ACER3: variants seen among roughly 807,000 people sequenced by gnomAD.
ACER3 encodes alkCDase 3.
In ACER3, 16 loss-of-function variants were observed where a neutral mutation model predicts 48.9. The ratio of observed to expected loss-of-function variants is 0.33; its 90% CI spans 0.22 to 0.50. The LOEUF (loss-of-function observed/expected upper bound fraction) is 0.50. ACER3 is among the 20% of genes least tolerant of loss of function. The pLI is 0.98. For missense variants in ACER3, 227 were observed against 326.0 expected (o/e 0.70, Z 2.34); for synonymous variants, 109 against 107.8 (o/e 1.01, Z -0.07).
chr11:76,889,493 T>G (rs1408063741), intron 1 of ACER3, among the ~76,000 whole-genome samples: 1 of 152,210 alleles, frequency 6.6e-6, no homozygotes, highest in African/African-American at 2.4e-5. Context: ...TATATACACA[T>G]ATGTGTACTT....
intron 2 of ACER3, among the ~76,000 whole-genome samples, chr11:76,927,927 G>T (rs1486458460): frequency 6.6e-6 from 1 of 152,162 alleles, no homozygotes; most frequent in Non-Finnish European, 1.5e-5. Context: ...ACATACGTGT[G>T]CATGTGTCTT....
At chr11:76,981,404 G>T (rs909997453) in intron 4 of ACER3, among the ~76,000 whole-genome samples, 21 of 152,204 alleles carry the variant, frequency 1.4e-4, no homozygotes, top group African/African-American at 5.1e-4. Flanking sequence ...GGAATAAAAT[G>T]CACCCAGTTT....
rs527689580 is a variant in ACER3, at chr11:77,022,296, A to C, written c.*1969A>C. ...CCTTGATACTGAGGCCATTTAGAGC[A>C]ATTTGTTTAATGAGTGGTTCAGCCA... On this transcript the variant is annotated 3_prime_UTR_variant, in exon 11 of 11. Coordinates refer to ENST00000532485, the MANE Select transcript of ACER3 (RefSeq NM_018367.7). The C allele has an allele frequency of 6.6e-6, 1 of 152,332 alleles. No homozygotes were observed. Among genetic ancestry groups the C allele is most frequent in the South Asian group, 2.1e-4 (1 of 4,824 alleles). 9.4% of individuals were successfully genotyped at this position (152,332 alleles called of 1,614,324 possible). A position where few individuals can be genotyped will look rare whatever the true frequency, so the allele number is the denominator to read the frequency against.
intron 4 of ACER3, 56 bp from the exon 5 acceptor site, chr11:76,985,587 A>T: frequency 8.9e-7 from 1 of 1,118,114 alleles, no homozygotes; most frequent in Non-Finnish European, 1.3e-6. Context: ...GCAGCATTCT[A>T]TTTATGTTCC....
chr11:76,929,072 A>G (rs564330874), intron 2 of ACER3, among the ~76,000 whole-genome samples: 8 of 152,228 alleles, frequency 5.3e-5, no homozygotes, highest in African/African-American at 1.9e-4. Context: ...TTTTCACGAT[A>G]TTGATTCTTC....
At chr11:76,978,024 C>A (rs1033892486) in intron 4 of ACER3, among the ~76,000 whole-genome samples, 2 of 152,196 alleles carry the variant, frequency 1.3e-5, no homozygotes, top group Admixed American at 1.3e-4. Context: ...CCCCTCTGGA[C>A]TTTAGGCACT....
chr11:76,982,285 C>T (rs1348836582), intron 4 of ACER3, among the ~76,000 whole-genome samples: 1 of 148,400 alleles, frequency 6.7e-6, no homozygotes, highest in Admixed American at 6.7e-5. Context: ...GGTGCGATCT[C>T]GGCTCACTGC....
intron 1 of ACER3, among the ~76,000 whole-genome samples, chr11:76,867,356 C>T (rs1168223104): frequency 3.3e-5 from 5 of 150,658 alleles, no homozygotes; most frequent in African/African-American, 1.2e-4. Flanking sequence ...GTAGTCCCAG[C>T]TGCTTGGGAG....
chr11:76,932,013 A>G (rs1029167183), intron 2 of ACER3, among the ~76,000 whole-genome samples: 6 of 150,646 alleles, frequency 4.0e-5, no homozygotes, highest in Non-Finnish European at 7.4e-5. Flanking sequence ...TAGTGGTACA[A>G]TCTTGGCTCA....
At chr11:76,903,557 A>G (rs1218677193) in intron 1 of ACER3, among the ~76,000 whole-genome samples, 1 of 150,948 alleles carries the variant, frequency 6.6e-6, no homozygotes, top group African/African-American at 2.4e-5. Context: ...GAGGTCTGAC[A>G]TGTCTGCTTA....
intron 6 of ACER3, among the ~76,000 whole-genome samples, chr11:76,991,630 A>G (rs561978588): frequency 2.0e-5 from 3 of 152,174 alleles, no homozygotes; most frequent in African/African-American, 4.8e-5. Context: ...AGCCTGGCCA[A>G]CATGGTGAAA....
intron 1 of ACER3, among the ~76,000 whole-genome samples, chr11:76,905,740 C>T (rs1012572738): frequency 6.6e-6 from 1 of 151,960 alleles, no homozygotes; most frequent in Non-Finnish European, 1.5e-5. Flanking sequence ...GCATACTATA[C>T]AGAAATTAAA....
chr11:77,000,911 T>TTTTGCCTTTCC, intron 7 of ACER3, among the ~76,000 whole-genome samples: 1 of 152,228 alleles, frequency 6.6e-6, no homozygotes, highest in Admixed American at 6.5e-5. Context: ...CCTTTCCATA[T>TTTTGCCTTTCC]AAAGTTTAGA....
chr11:76,980,751 T>G (rs1442218824), intron 4 of ACER3, among the ~76,000 whole-genome samples: 1 of 152,192 alleles, frequency 6.6e-6, no homozygotes, highest in East Asian at 1.9e-4. Context: ...ATACTGATAA[T>G]GTAGATCAAT....
intron 1 of ACER3, among the ~76,000 whole-genome samples, chr11:76,865,697 C>T (rs773552981): frequency 6.6e-6 from 1 of 151,826 alleles, no homozygotes; most frequent in Non-Finnish European, 1.5e-5. Context: ...GTAGTAGAGA[C>T]GGGGTTTCAC....
chr11:76,938,207 G>A (rs1274342309), intron 2 of ACER3, among the ~76,000 whole-genome samples: 1 of 152,108 alleles, frequency 6.6e-6, no homozygotes, highest in African/African-American at 2.4e-5. Context: ...TAGAGATGGG[G>A]TTTCACCATG....
At chr11:76,973,334 G>A (rs557357870) in intron 3 of ACER3, among the ~76,000 whole-genome samples, 46 of 152,294 alleles carry the variant, frequency 3.0e-4, no homozygotes, top group African/African-American at 9.9e-4. Context: ...CAAGTCTGTG[G>A]TGTCACTGCT....
At chr11:76,934,514 C>T (rs945459124) in intron 2 of ACER3, among the ~76,000 whole-genome samples, 23 of 152,356 alleles carry the variant, frequency 1.5e-4, no homozygotes, top group African/African-American at 5.1e-4. Context: ...AGCGAAACCC[C>T]GTCTCCACCA....
intron 1 of ACER3, among the ~76,000 whole-genome samples, chr11:76,920,555 C>G (rs777709097): frequency 2.0e-5 from 3 of 151,948 alleles, no homozygotes; most frequent in African/African-American, 7.3e-5. Context: ...TTGTGACTAG[C>G]CTGTCTCTCC....
Sources: allele counts gnomAD v4.1 joint callset (sites outside exome capture counted in the v4.1 genomes callset), GRCh38; gene constraint gnomAD v4.1.1; transcripts MANE v1.5; gene names NCBI Gene and HGNC (gene_info 2026-07-23, HGNC 2026-07-21).